CD6: variants seen among roughly 807,000 people sequenced by gnomAD.
CD6 encodes the protein CD6 molecule.
CD6 carries 53 observed loss-of-function variants against 75.3 expected under a neutral mutation model. The observed-to-expected ratio is 0.70, with a 90% CI of 0.56 to 0.88. The LOEUF is 0.88. CD6 is among the 40% of genes least tolerant of loss of function. CD6 has a pLI of 0.00. For missense variants in CD6, 770 were observed against 897.1 expected, an observed-to-expected ratio of 0.86 and a Z score of 1.81; for synonymous variants, 359 against 381.5, an observed-to-expected ratio of 0.94 and a Z score of 0.69.
intron 1 of CD6, among the ~76,000 whole-genome samples, chr11:60,991,299 C>T (rs1039074985): frequency 6.6e-6 from 1 of 151,214 alleles, no homozygotes; most frequent in Admixed American, 6.6e-5. Flanking sequence ...TGCAGGCATG[C>T]GCCACCATGC....
At position 60,981,891 on chromosome 11, in the gene CD6, G is replaced by A. The variant is rs190853698; in HGVS notation, c.49+9977G>A. On this transcript the variant is annotated intron_variant, in intron 1 of 12. Transcript: ENST00000313421. ...AGATAGGGAGATGGCCCTGTCATAG[G>A]AATGTGGTCCCCTGTTTTCCCTTGT... Among the ~76,000 whole-genome samples the A allele has an allele frequency of 1.1e-4, 17 of 152,228 alleles. No homozygotes were observed. In the East Asian group the frequency reaches 3.3e-3, roughly 29 times the overall value.
chr11:60,992,582 CT>C (rs1042970148), intron 1 of CD6, among the ~76,000 whole-genome samples: 10 of 152,062 alleles, frequency 6.6e-5, no homozygotes, highest in Non-Finnish European at 1.3e-4. Context: ...AATCCCAGCA[CT>C]TTGGGAGGCC....
chr11:61,002,550 CTG>C (rs986285376), intron 1 of CD6, among the ~76,000 whole-genome samples: 1 of 151,626 alleles, frequency 6.6e-6, no homozygotes, highest in African/African-American at 2.4e-5. Context: ...GAGCAAGACA[CTG>C]TTTCAAAAAA....
intron 3 of CD6, chr11:61,008,201 C>T (rs1010994736): frequency 2.3e-6 from 1 of 437,098 alleles, no homozygotes; most frequent in East Asian, 3.4e-5. Context: ...CTGGGCCCGC[C>T]GCTTCCCTGT....
chr11:60,992,799 G>A (rs1341802256), intron 1 of CD6, among the ~76,000 whole-genome samples: 1 of 151,844 alleles, frequency 6.6e-6, no homozygotes, highest in Non-Finnish European at 1.5e-5. Context: ...CTACACTCCA[G>A]CCTCGGCGAC....
chr11:60,995,995 A>G (rs1486714895), intron 1 of CD6, among the ~76,000 whole-genome samples: 3 of 152,196 alleles, frequency 2.0e-5, no homozygotes, highest in East Asian at 3.9e-4. Flanking sequence ...CGCCCTTGGC[A>G]TGATCACCAA....
chr11:61,012,337 T>A (rs532456394), intron 6 of CD6, among the ~76,000 whole-genome samples: 1 of 152,118 alleles, frequency 6.6e-6, no homozygotes, highest in Non-Finnish European at 1.5e-5. Flanking sequence ...CCTTGGTCCA[T>A]CAGCCCCTCC....
intron 1 of CD6, among the ~76,000 whole-genome samples, chr11:60,993,605 A>G (rs1201755544): frequency 1.3e-5 from 2 of 151,998 alleles, no homozygotes; most frequent in Non-Finnish European, 2.9e-5. Context: ...GGGCTCAGTG[A>G]CTTTCCCTAG....
At chr11:61,016,432 G>A (rs562209045) in intron 9 of CD6, among the ~76,000 whole-genome samples, 3 of 152,344 alleles carry the variant, frequency 2.0e-5, no homozygotes, top group African/African-American at 7.2e-5. Context: ...AAATTCCTGA[G>A]CCCCTCCCCA....
chr11:61,000,114 A>G (rs1483249086), intron 1 of CD6, among the ~76,000 whole-genome samples: 2 of 152,216 alleles, frequency 1.3e-5, no homozygotes, highest in Admixed American at 6.5e-5. Context: ...ACATCACAGC[A>G]TTCTGGGGCT....
At chr11:60,995,703 G>A (rs1858263619) in intron 1 of CD6, among the ~76,000 whole-genome samples, 1 of 152,090 alleles carries the variant, frequency 6.6e-6, no homozygotes, top group African/African-American at 2.4e-5. Context: ...GGGGCAGTGC[G>A]AGGTGAGACT....
intron 1 of CD6, among the ~76,000 whole-genome samples, chr11:60,999,165 A>C (rs1858456422): frequency 6.6e-6 from 1 of 152,138 alleles, no homozygotes; most frequent in African/African-American, 2.4e-5. Flanking sequence ...GGAAAGAAAG[A>C]AAGAGCAAGA....
rs1189839753 is a variant in CD6 at position 60,989,986 on chromosome 11, A to G, written c.50-16588A>G. Reference sequence around the variant, plus strand: ...CGGACAATTTACAAAGGTTTTTCATATATGCTTTTATTTTAAAATTTTTTT... The same window carrying G: ...CGGACAATTTACAAAGGTTTTTCATGTATGCTTTTATTTTAAAATTTTTTT... On this transcript the variant is annotated intron_variant, in intron 1 of 12. Transcript: ENST00000313421. Among the ~76,000 whole-genome samples, 6 of 152,280 alleles carry G rather than the reference A, an allele frequency of 3.9e-5. No homozygotes were observed. In the East Asian group the frequency reaches 7.7e-4, roughly 20 times the overall value.
At chr11:61,005,803 T>C (rs1858821211) in intron 1 of CD6, among the ~76,000 whole-genome samples, 1 of 152,068 alleles carries the variant, frequency 6.6e-6, no homozygotes. Flanking sequence ...TGGTGGCGCA[T>C]GCCTGTAATC....
intron 6 of CD6, 110 bp from the exon 7 acceptor site, chr11:61,013,313 G>A: frequency 8.0e-7 from 1 of 1,254,736 alleles, no homozygotes; most frequent in South Asian, 1.5e-5. Flanking sequence ...GAAGCAAGGA[G>A]GAAGATAACA....
chr11:61,001,521 C>G (rs1049401248), intron 1 of CD6, among the ~76,000 whole-genome samples: 3 of 152,166 alleles, frequency 2.0e-5, no homozygotes, highest in African/African-American at 7.2e-5. Flanking sequence ...CTTTTAACAT[C>G]TCTAACATGG....
chr11:60,994,127 G>A (rs191539776), intron 1 of CD6, among the ~76,000 whole-genome samples: 106 of 152,210 alleles, frequency 7.0e-4, no homozygotes, highest in African/African-American at 2.2e-3. Flanking sequence ...TGTGACATAG[G>A]GGCAAAAGAA....
chr11:60,977,451 C>T (rs1857407705), intron 1 of CD6, among the ~76,000 whole-genome samples: 1 of 152,170 alleles, frequency 6.6e-6, no homozygotes, highest in South Asian at 2.1e-4. Context: ...TCTACTTCCT[C>T]AGCTAGCAAG....
In CD6 at chr11:60,971,845, C is replaced by T. The variant is rs759909284; in HGVS notation, c.-21C>T. The T allele has an allele frequency of 1.9e-6, 3 of 1,612,962 alleles. No individual in the cohort carries two copies. In the Admixed American group the frequency reaches 5.0e-5, roughly 27 times the overall value. ...GCTTCCCACAGGCAGCCACGCGTAG[C>T]AGCCAGAGACAGCTCCAGACATGTG... On this transcript the variant is annotated 5_prime_UTR_variant, in exon 1 of 13. Transcript: ENST00000313421.
Sources: gnomAD v4.1 joint callset for allele counts (sites outside exome capture counted in the v4.1 genomes callset) on GRCh38, gnomAD v4.1.1 for gene constraint, MANE v1.5 for transcripts, NCBI Gene and HGNC (gene_info 2026-07-23, HGNC 2026-07-21) for gene names.